Variants in PCSK5 observed in about 807,000 individuals in gnomAD.
The protein encoded by PCSK5 is proprotein convertase subtilisin/kexin type 5.
In PCSK5, 129 loss-of-function variants were observed where a neutral mutation model predicts 233.2. That is an observed-to-expected ratio of 0.55 (90% CI 0.48 to 0.64). The LOEUF is 0.64. Ranked by LOEUF, PCSK5 falls within the 30% of genes least tolerant of loss-of-function variation. The pLI is 0.00. For synonymous variants in PCSK5, 825 were observed against 879.2 expected (o/e 0.94, Z 1.09); for missense variants, 2,076 against 2,430.1 (o/e 0.85, Z 3.06).
intron 3 of PCSK5, among the ~76,000 whole-genome samples, chr9:75,997,557 C>G (rs1011707512): frequency 3.3e-5 from 5 of 152,282 alleles, no homozygotes; most frequent in African/African-American, 1.2e-4. Flanking sequence ...GCCGAAAGAG[C>G]TGCTCCACAG....
chr9:76,062,644 A>T (rs1235110672), intron 5 of PCSK5, among the ~76,000 whole-genome samples: 1 of 152,150 alleles, frequency 6.6e-6, no homozygotes, highest in Non-Finnish European at 1.5e-5. Context: ...TGTTTATAGT[A>T]CTATTTTCTT....
chr9:76,127,411 A>G (rs1292066431), intron 9 of PCSK5, among the ~76,000 whole-genome samples: 1 of 152,164 alleles, frequency 6.6e-6, no homozygotes, highest in East Asian at 1.9e-4. Context: ...AAGAGAGAAG[A>G]TCTCCCACAT....
chr9:75,976,965 A>T (rs894464857), intron 2 of PCSK5, among the ~76,000 whole-genome samples: 1 of 151,848 alleles, frequency 6.6e-6, no homozygotes, highest in African/African-American at 2.4e-5. Context: ...GTGTGCTTTG[A>T]TTATGGACTT....
At chr9:76,013,595 GT>G (rs1235398877) in intron 3 of PCSK5, among the ~76,000 whole-genome samples, 1 of 152,086 alleles carries the variant, frequency 6.6e-6, no homozygotes, top group African/African-American at 2.4e-5. Context: ...CTATTTATTT[GT>G]CTTTCTTTCC....
chr9:75,954,009 C>T (rs759629390), intron 2 of PCSK5, among the ~76,000 whole-genome samples: 6 of 152,260 alleles, frequency 3.9e-5, no homozygotes, highest in Non-Finnish European at 8.8e-5. Context: ...TTTGTATTCA[C>T]ATTCACACTG....
chr9:76,221,794 T>C (rs1006331855), intron 20 of PCSK5, among the ~76,000 whole-genome samples: 1 of 152,202 alleles, frequency 6.6e-6, no homozygotes, highest in Non-Finnish European at 1.5e-5. Context: ...TTACGATCCA[T>C]CCTTTTTGCA....
In PCSK5 at chr9:76,146,033, C is replaced by CT. The variant is rs538709402; in HGVS notation, c.1313-11001dup. 2.6e-3 allele frequency among the ~76,000 whole-genome samples: 388 copies of CT among 148,320 alleles called. 1 individual carries two copies. The highest frequency in any genetic ancestry group is 8.1e-3 in the African/African-American group (331 of 40,664). ...TCTGGGAAATAAATAGATCCAGACT[C>CT]TTTTTTTTTTTCTTAGAATCTCAAT... On this transcript the variant is annotated intron_variant, in intron 10 of 37. Transcript: ENST00000674117.
At position 76,189,781 on chromosome 9, in the gene PCSK5, A is replaced by G. The variant is rs759603389; in HGVS notation, c.2626+35A>G. 7.2e-6 allele frequency: 8 copies of G among 1,106,984 alleles called. No individual in the cohort carries two copies. In the Admixed American group the frequency reaches 9.1e-5, roughly 13 times the overall value. The allele number at this position is 1,106,984 out of a possible 1,614,324, so 68.6% of individuals were successfully genotyped here. ...ACTGCCCATATCGATCTTATGAAGC[A>G]AAGTATGATCTTTCTACTTTCAGGA... On this transcript the variant is annotated intron_variant, in intron 20 of 37. Transcript: ENST00000674117.
At chr9:76,094,488 C>T (rs1162169327) in intron 7 of PCSK5, among the ~76,000 whole-genome samples, 1 of 152,212 alleles carries the variant, frequency 6.6e-6, no homozygotes, top group Non-Finnish European at 1.5e-5. Context: ...CCCAGAAATA[C>T]TTTCCATTTT....
intron 3 of PCSK5, among the ~76,000 whole-genome samples, chr9:75,992,939 C>G (rs1339253): frequency 0.73 from 111,594 of 152,032 alleles, 41,372 homozygotes; most frequent in East Asian, 0.82. Context: ...AAGCTATGAA[C>G]TAGCTAGGAT....
At chr9:75,890,440 A>G (rs1407996990), upstream of PCSK5, among the ~76,000 whole-genome samples, 1 of 152,156 alleles carries the variant, frequency 6.6e-6, no homozygotes, top group Non-Finnish European at 1.5e-5. Context: ...AGAAGGGAGT[A>G]AAACCACGAT....
intron 13 of PCSK5, among the ~76,000 whole-genome samples, chr9:76,173,926 A>G (rs1823454459): frequency 6.6e-6 from 1 of 152,096 alleles, no homozygotes; most frequent in Admixed American, 6.6e-5. Flanking sequence ...GTGAGCCTAG[A>G]TCATGCCATT....
chr9:76,015,501 TATA>T (rs1827912180), intron 3 of PCSK5, among the ~76,000 whole-genome samples: 1 of 152,206 alleles, frequency 6.6e-6, no homozygotes, highest in South Asian at 2.1e-4. Flanking sequence ...ATTATAAAGA[TATA>T]ATAATCATAC....
intron 3 of PCSK5, among the ~76,000 whole-genome samples, chr9:75,994,063 C>A (rs532146224): frequency 6.6e-6 from 1 of 152,322 alleles, no homozygotes; most frequent in East Asian, 1.9e-4. Context: ...AACAGCCCAA[C>A]CTTGCACACA....
chr9:76,109,560 G>GT (rs61400585), intron 9 of PCSK5, among the ~76,000 whole-genome samples: 1,747 of 136,750 alleles, frequency 0.013, 14 homozygotes, highest in Non-Finnish European at 0.018. Context: ...GACTACAATT[G>GT]TTTTTTTTTT....
chr9:75,923,334 AG>A (rs1437641003), intron 1 of PCSK5, among the ~76,000 whole-genome samples: 1 of 151,988 alleles, frequency 6.6e-6, no homozygotes, highest in African/African-American at 2.4e-5. Flanking sequence ...AATGTTTATT[AG>A]TAGTCATGTC....
chr9:75,931,638 A>C (rs1587379322), intron 1 of PCSK5, among the ~76,000 whole-genome samples: 1 of 152,186 alleles, frequency 6.6e-6, no homozygotes, highest in African/African-American at 2.4e-5. Flanking sequence ...TGCTTTCCCA[A>C]AGTGGACAGG....
intron 24 of PCSK5, among the ~76,000 whole-genome samples, chr9:76,250,268 C>T (rs1826760011): frequency 6.6e-6 from 1 of 152,130 alleles, no homozygotes; most frequent in Non-Finnish European, 1.5e-5. Flanking sequence ...CACTGCTGCT[C>T]CCCAGCCTGG....
At chr9:76,019,053 G>A (rs893180447) in intron 3 of PCSK5, among the ~76,000 whole-genome samples, 3 of 152,066 alleles carry the variant, frequency 2.0e-5, no homozygotes, top group South Asian at 4.1e-4. Context: ...ATTTCACATT[G>A]GCCAGCTGTT....
Sources: allele counts gnomAD v4.1 joint callset (sites outside exome capture counted in the v4.1 genomes callset), GRCh38; gene constraint gnomAD v4.1.1; transcripts MANE v1.5; gene names NCBI Gene and HGNC (gene_info 2026-07-23, HGNC 2026-07-21).